The following CENPI variants were observed in gnomAD, a reference collection of about 807,000 sequenced individuals.
The protein encoded by CENPI is FSH primary response 1.
CENPI carries 4 observed loss-of-function variants against 60.4 expected under a neutral mutation model. That is an observed-to-expected ratio of 0.07 (90% CI 0.03 to 0.15). The LOEUF (loss-of-function observed/expected upper bound fraction) is 0.15. Among genes scored for constraint, CENPI ranks in the 10% least tolerant of loss-of-function variants. The pLI is 1.00. For synonymous variants in CENPI, 157 were observed against 189.4 expected (o/e 0.83, Z 1.40); for missense variants, 444 against 534.5 (o/e 0.83, Z 1.67).
At chrX:101,130,677 G>A (rs769815053) in intron 13 of CENPI, among the ~76,000 whole-genome samples, 1 of 112,208 alleles carries the variant, frequency 8.9e-6, no homozygotes, top group East Asian at 2.8e-4. Context: ...ATTTCATAGG[G>A]TCACTACTTA....
intron 6 of CENPI, among the ~76,000 whole-genome samples, chrX:101,116,249 A>T (rs1463550106): frequency 9.0e-6 from 1 of 111,416 alleles, no homozygotes; most frequent in African/African-American, 3.2e-5. Flanking sequence ...GCTCTGAATG[A>T]GGCCCAACGC....
At chrX:101,151,327 G>A (rs1338521502) in intron 20 of CENPI, among the ~76,000 whole-genome samples, 6 of 111,756 alleles carry the variant, frequency 5.4e-5, no homozygotes, top group African/African-American at 2.0e-4. Context: ...CTTTGAGACC[G>A]TGGAAGTACA....
intron 4 of CENPI, among the ~76,000 whole-genome samples, chrX:101,102,713 T>A (rs1245427213): frequency 9.2e-6 from 1 of 108,295 alleles, no homozygotes; most frequent in Non-Finnish European, 1.9e-5. Flanking sequence ...GGAGTCTTGC[T>A]CTGTCACCCA....
chrX:101,106,044 A>G (rs781175324), intron 4 of CENPI, among the ~76,000 whole-genome samples: 3 of 111,052 alleles, frequency 2.7e-5, no homozygotes, highest in Non-Finnish European at 3.8e-5. Context: ...AGAGGCAGGT[A>G]TGGTAGAAAT....
chrX:101,110,415 A>G lies in CENPI; in HGVS notation c.591+417A>G, dbSNP rs183624449. On this transcript the variant is annotated intron_variant, in intron 6 of 21. Coordinates refer to ENST00000682095, the MANE Select transcript of CENPI (RefSeq NM_001386188.2). ...TGATTAACACTGCAAAAGCCTCATC[A>G]GAATTAATGAGAAGGAGAGGATTAC... Among the ~76,000 whole-genome samples, 336 of 112,256 alleles carry G rather than the reference A, an allele frequency of 3.0e-3. 2 individuals are homozygous for G. The highest frequency in any genetic ancestry group is 0.011 in the African/African-American group (328 of 30,995).
At chrX:101,101,875 C>T (rs755380854) in intron 3 of CENPI, among the ~76,000 whole-genome samples, 1 of 112,728 alleles carries the variant, frequency 8.9e-6, no homozygotes, top group South Asian at 3.6e-4. Flanking sequence ...ACACTTCTTA[C>T]ATAAACTCCT....
intron 20 of CENPI, among the ~76,000 whole-genome samples, chrX:101,150,762 A>G (rs2090000337): frequency 9.1e-6 from 1 of 110,277 alleles, no homozygotes; most frequent in Non-Finnish European, 1.9e-5. Flanking sequence ...TTCCTCTTCC[A>G]TCTTTTACCA....
At chrX:101,169,070 CAAT>C (rs1424890560), downstream of CENPI, among the ~76,000 whole-genome samples, 1 of 111,474 alleles carries the variant, frequency 9.0e-6, no homozygotes, top group Non-Finnish European at 1.9e-5. Flanking sequence ...ATGATTGTAT[CAAT>C]AAAGTATAGA....
Position 101,132,393 on chromosome X carries a change from G to A in CENPI, c.1407G>A (p.Glu469=), listed in dbSNP as rs778716364. Residue 469 remains glutamate, a splice_region_variant and synonymous_variant, in exon 15 of 22, where the codon GAG becomes GAA. Transcript: ENST00000682095. ...VSWIPFSSFS[E]VKPLLFDHLA... ...AATAATCTTTTTTTTGATTCCTAGAGGTGAAACCACTTCTTTTTGACCATC... is the reference window on the plus strand; with the variant it reads ...AATAATCTTTTTTTTGATTCCTAGAAGTGAAACCACTTCTTTTTGACCATC... 9.1e-6 allele frequency: 11 copies of A among 1,208,428 alleles called. No individual in the cohort carries two copies. Among genetic ancestry groups the A allele is most frequent in the Admixed American group, 6.5e-5 (3 of 45,852 alleles).
downstream of CENPI, among the ~76,000 whole-genome samples, chrX:101,169,884 TAAAG>T (rs2090152668): frequency 8.9e-6 from 1 of 112,180 alleles, no homozygotes; most frequent in African/African-American, 3.2e-5. Context: ...GCTAACAAAA[TAAAG>T]ATATAAAGAA....
chrX:101,132,980 T>C (rs994824971), intron 15 of CENPI, among the ~76,000 whole-genome samples: 2 of 111,062 alleles, frequency 1.8e-5, no homozygotes, highest in African/African-American at 6.5e-5. Flanking sequence ...AGAAGACCAA[T>C]ATGGCTTCCA....
downstream of CENPI, among the ~76,000 whole-genome samples, chrX:101,167,299 G>T (rs1471332595): frequency 1.8e-5 from 2 of 111,693 alleles, no homozygotes; most frequent in Non-Finnish European, 3.8e-5. Context: ...GTATTTAATA[G>T]ACTGACATCC....
At chrX:101,136,206 G>C (rs1411596401) in intron 15 of CENPI, among the ~76,000 whole-genome samples, 1 of 112,103 alleles carries the variant, frequency 8.9e-6, no homozygotes, top group African/African-American at 3.2e-5. Flanking sequence ...GTATTCAGAG[G>C]AAACAGTGTC....
intron 21 of CENPI, 22 bp downstream of exon 21, chrX:101,161,591 G>A (rs1390477118): frequency 9.4e-6 from 11 of 1,167,789 alleles, no homozygotes; most frequent in African/African-American, 7.0e-5. Context: ...TACTTTCATC[G>A]TGTTGAGGGA....
intron 16 of CENPI, chrX:101,141,284 A>T (rs1374079275): frequency 8.9e-6 from 1 of 111,826 alleles, no homozygotes; most frequent in African/African-American, 3.2e-5. Context: ...AATTTCAAGG[A>T]ACTGCATAAT....
rs140612319 is a variant in CENPI, at chrX:101,145,165, T to C, written c.1667T>C (p.Phe556Ser). Residue 556 changes from phenylalanine to serine, a missense_variant, in exon 17 of 22, where the codon TTC becomes TCC. By Grantham distance (155) the Phe-to-Ser change is radical (BLOSUM62 -2). Coordinates refer to ENST00000682095, the MANE Select transcript of CENPI (RefSeq NM_001386188.2). ...TAMRLESNNT[F>S]LLHFILDFYE... ...ATGCGCTTGGAGAGCAACAATACTT[T>C]CTTGCTGCACTTTATTTTGGATTTC... 3.1e-3 allele frequency: 3,763 copies of C among 1,207,463 alleles called. 6 individuals are homozygous for C. Among genetic ancestry groups the C allele is most frequent in the Non-Finnish European group, 3.7e-3 (3,275 of 893,144 alleles).
downstream of CENPI, among the ~76,000 whole-genome samples, chrX:101,167,149 T>C (rs1022609515): frequency 2.7e-5 from 3 of 112,941 alleles, no homozygotes; most frequent in African/African-American, 6.4e-5. Flanking sequence ...ATAACTTTTA[T>C]TAACATAGTA....
chrX:101,166,721 T>C (rs868179975), downstream of CENPI, among the ~76,000 whole-genome samples: 9 of 112,647 alleles, frequency 8.0e-5, no homozygotes, highest in Middle Eastern at 4.6e-3. Flanking sequence ...TAATGTTCAA[T>C]ACTAAAGAAT....
chrX:101,135,081 G>A (rs2089833346), intron 15 of CENPI, among the ~76,000 whole-genome samples: 1 of 111,231 alleles, frequency 9.0e-6, no homozygotes, highest in Non-Finnish European at 1.9e-5. Flanking sequence ...GTTGAAAAAC[G>A]AGTAGCTATA....
Sources: gnomAD v4.1 joint callset for allele counts (sites outside exome capture counted in the v4.1 genomes callset) on GRCh38, gnomAD v4.1.1 for gene constraint, MANE v1.5 for transcripts, NCBI Gene and HGNC (gene_info 2026-07-23, HGNC 2026-07-21) for gene names.